The following ROBO2 variants were observed in gnomAD, a reference collection of about 807,000 sequenced individuals.
ROBO2 encodes roundabout homolog 2.
Under a neutral mutation model 160.8 loss-of-function variants are expected in ROBO2, and 53 were observed. The observed-to-expected ratio is 0.33, with a 90% CI of 0.26 to 0.41. The LOEUF (loss-of-function observed/expected upper bound fraction) is 0.41, where lower values mean the gene tolerates loss of function less well. Among genes scored for constraint, ROBO2 ranks in the 10% least tolerant of loss-of-function variants. The pLI, the probability that ROBO2 is intolerant of heterozygous loss-of-function variation, is 1.00. For synonymous variants in ROBO2, 664 were observed against 611.7 expected (o/e 1.09, Z -1.26); for missense variants, 1,577 against 1,722.4 (o/e 0.92, Z 1.49).
intron 2 of ROBO2, among the ~76,000 whole-genome samples, chr3:76,969,143 A>G (rs1219338998): frequency 6.6e-6 from 1 of 152,218 alleles, no homozygotes; most frequent in Non-Finnish European, 1.5e-5. Context: ...TTTGACAACA[A>G]GTGAAAGTGG....
chr3:76,898,996 A>G (rs1253228902), intron 2 of ROBO2, among the ~76,000 whole-genome samples: 1 of 152,126 alleles, frequency 6.6e-6, no homozygotes, highest in Non-Finnish European at 1.5e-5. Flanking sequence ...GGTCTCATAA[A>G]CAGCCTAAGA....
chr3:76,150,016 G>A (rs111867719), intron 2 of ROBO2, among the ~76,000 whole-genome samples: 3 of 114,008 alleles, frequency 2.6e-5, no homozygotes, highest in Admixed American at 8.8e-5. Context: ...GTCTAAAACA[G>A]ACATCTGTCT....
intron 5 of ROBO2, among the ~76,000 whole-genome samples, chr3:77,509,355 C>T (rs1254112168): frequency 2.6e-5 from 4 of 152,012 alleles, no homozygotes; most frequent in African/African-American, 9.7e-5. Context: ...TTAACAATCC[C>T]GCATACATTA....
At chr3:76,669,793 T>C (rs570914193) in intron 2 of ROBO2, among the ~76,000 whole-genome samples, 100 of 152,214 alleles carry the variant, frequency 6.6e-4, no homozygotes, top group Admixed American at 1.9e-3. Context: ...GCAATATTTA[T>C]TAATTTAATT....
intron 2 of ROBO2, among the ~76,000 whole-genome samples, chr3:76,932,891 C>T (rs1052293215): frequency 1.3e-5 from 2 of 152,036 alleles, no homozygotes; most frequent in African/African-American, 2.4e-5. Flanking sequence ...TATAATGAAG[C>T]TGCCCCCGCC....
At position 77,561,580 on chromosome 3, in the gene ROBO2, T is replaced by A. The variant is rs141526292; in HGVS notation, c.1438-1071T>A. 1.8e-3 allele frequency among the ~76,000 whole-genome samples: 281 copies of A among 152,286 alleles called. 1 individual carries two copies. The highest frequency in any genetic ancestry group is 6.5e-3 in the African/African-American group (270 of 41,582). On this transcript the variant is annotated intron_variant, in intron 9 of 25. Coordinates refer to ENST00000461745, the Ensembl canonical transcript of ROBO2. ...TTTTCTGAAAGTCCTTTGCCACTCT[T>A]CTGAGAATAATAAAACCATTTTAAG...
intron 2 of ROBO2, among the ~76,000 whole-genome samples, chr3:76,932,684 A>G (rs901110158): frequency 6.6e-6 from 1 of 152,170 alleles, no homozygotes; most frequent in African/African-American, 2.4e-5. Context: ...AGAACTACCT[A>G]CACAAAAATC....
intron 2 of ROBO2, among the ~76,000 whole-genome samples, chr3:77,136,273 T>TA (rs1324019381): frequency 1.6e-4 from 24 of 152,118 alleles, no homozygotes; most frequent in Non-Finnish European, 7.4e-5. Context: ...ATAATAGATT[T>TA]ATTTCTCTTG....
chr3:77,503,632 T>C (rs1490560027), intron 5 of ROBO2, among the ~76,000 whole-genome samples: 1 of 151,904 alleles, frequency 6.6e-6, no homozygotes, highest in Non-Finnish European at 1.5e-5. Flanking sequence ...AAGAGTATGA[T>C]TTTTGCTAAT....
intron 2 of ROBO2, among the ~76,000 whole-genome samples, chr3:76,252,128 A>G (rs909705341): frequency 6.6e-6 from 1 of 152,070 alleles, no homozygotes; most frequent in East Asian, 1.9e-4. Context: ...GGTATCAGCT[A>G]TATTTTAATA....
chr3:76,803,406 G>A (rs1174777148), intron 2 of ROBO2, among the ~76,000 whole-genome samples: 27 of 99,936 alleles, frequency 2.7e-4, no homozygotes, highest in Middle Eastern at 5.7e-3. Context: ...GGAGGATACA[G>A]AAAAGGAGGA....
At chr3:77,486,751 A>C (rs1386849968) in intron 4 of ROBO2, among the ~76,000 whole-genome samples, 1 of 152,172 alleles carries the variant, frequency 6.6e-6, no homozygotes, top group Non-Finnish European at 1.5e-5. Flanking sequence ...GCTGTATCAC[A>C]GAATTTTAAT....
intron 2 of ROBO2, among the ~76,000 whole-genome samples, chr3:76,287,294 T>A (rs994745474): frequency 2.7e-5 from 4 of 149,014 alleles, no homozygotes; most frequent in Non-Finnish European, 5.9e-5. Context: ...TTCTTTTTTT[T>A]CTTTTCTTTT....
chr3:76,984,906 G>A (rs950732935), intron 2 of ROBO2, among the ~76,000 whole-genome samples: 1 of 151,878 alleles, frequency 6.6e-6, no homozygotes, highest in African/African-American at 2.4e-5. Flanking sequence ...AGCATATATA[G>A]GTTGAAAGTA....
chr3:76,730,006 A>G (rs2093610363), intron 2 of ROBO2, among the ~76,000 whole-genome samples: 1 of 152,084 alleles, frequency 6.6e-6, no homozygotes, highest in Non-Finnish European at 1.5e-5. Flanking sequence ...TGTCTGATTT[A>G]CTTTCTTAGT....
chr3:76,900,361 G>C (rs1294284920), intron 2 of ROBO2, among the ~76,000 whole-genome samples: 1 of 152,154 alleles, frequency 6.6e-6, no homozygotes, highest in Non-Finnish European at 1.5e-5. Context: ...TCTAAGCTTA[G>C]GTTGGTTGGA....
intron 2 of ROBO2, among the ~76,000 whole-genome samples, chr3:76,521,787 T>C (rs1479429572): frequency 6.6e-6 from 1 of 152,204 alleles, no homozygotes; most frequent in Admixed American, 6.5e-5. Flanking sequence ...ATATGTTCTT[T>C]CTAAGTTTGT....
intron 2 of ROBO2, among the ~76,000 whole-genome samples, chr3:76,712,781 ACT>A (rs2093320761): frequency 6.6e-6 from 1 of 151,822 alleles, no homozygotes; most frequent in Non-Finnish European, 1.5e-5. Context: ...TCGCCAGCAA[ACT>A]CTTGCTTTGT....
intron 2 of ROBO2, among the ~76,000 whole-genome samples, chr3:76,577,296 C>CT (rs532195508): frequency 5.3e-5 from 8 of 151,782 alleles, no homozygotes; most frequent in Admixed American, 1.3e-4. Context: ...AAAGATGCTT[C>CT]TTTTTTTTAA....
Sources: gnomAD v4.1 joint callset for allele counts (sites outside exome capture counted in the v4.1 genomes callset) on GRCh38, gnomAD v4.1.1 for gene constraint, MANE v1.5 for transcripts, NCBI Gene and HGNC (gene_info 2026-07-23, HGNC 2026-07-21) for gene names.